Variants in SAMD5 observed in about 807,000 individuals in gnomAD.
SAMD5 encodes the protein sterile alpha motif domain containing 5, also known as sterile alpha motif domain-containing protein 5.
SAMD5 carries 13 observed loss-of-function variants against 11.3 expected under a neutral mutation model. The ratio of observed to expected loss-of-function variants is 1.15; its 90% confidence interval spans 0.75 to 1.83. The LOEUF is 1.83. Ranked by LOEUF, SAMD5 falls within the 40% of genes most tolerant of loss-of-function variation. The pLI is 0.00. For missense variants in SAMD5, 255 were observed against 239.1 expected (o/e 1.07, Z -0.44); for synonymous variants, 129 against 111.3 (o/e 1.16, Z -1.00).
At chr6:147,533,477 A>AAAAG (rs1356439802) in intron 1 of SAMD5, among the ~76,000 whole-genome samples, 6 of 150,548 alleles carry the variant, frequency 4.0e-5, no homozygotes, top group African/African-American at 1.2e-4. Flanking sequence ...AAAAAAAAAA[A>AAAAG]AAAGAAAGAA....
chr6:147,778,329 A>G, the SAMD5 span, among the ~76,000 whole-genome samples: 1 of 152,128 alleles, frequency 6.6e-6, no homozygotes, highest in Non-Finnish European at 1.5e-5. Context: ...GTATATTGCT[A>G]GCCCCTACCT....
chr6:147,540,945 T>TGG (rs1562316019), intron 1 of SAMD5, among the ~76,000 whole-genome samples: 2 of 139,510 alleles, frequency 1.4e-5, no homozygotes, highest in Non-Finnish European at 1.5e-5. Flanking sequence ...TTTTTTTTTT[T>TGG]TTTTTTTTTT....
the SAMD5 span, among the ~76,000 whole-genome samples, chr6:147,800,839 T>G: frequency 1.7e-3 from 255 of 152,298 alleles, 1 homozygote; most frequent in African/African-American, 6.0e-3. Context: ...CCATGTGCAT[T>G]TGTGTAACAA....
rs944479424 is a variant in SAMD5 at position 147,566,916 on chromosome 6, G to A, written c.*2460G>A. 3.4e-5 allele frequency: 32 copies of A among 930,132 alleles called. No individual in the cohort carries two copies. The East Asian group carries it at 1.1e-3, about 31-fold the overall frequency. 57.6% of individuals were successfully genotyped at this position (930,132 alleles called of 1,614,324 possible). A position where few individuals can be genotyped will look rare whatever the true frequency, so the allele number is the denominator to read the frequency against. The stretch of plus-strand genomic sequence containing the variant: ...TCTTAGAAGGAGTAATTTTTTCAGC[G>A]TTTTTCCTCTGTATCTAAACACCAA... On this transcript the variant is annotated 3_prime_UTR_variant, in exon 2 of 2. Coordinates refer to ENST00000367474, the MANE Select transcript of SAMD5 (RefSeq NM_001030060.3).
downstream of SAMD5, among the ~76,000 whole-genome samples, chr6:147,742,409 C>T (rs1460697825): frequency 6.6e-6 from 1 of 152,146 alleles, no homozygotes; most frequent in Admixed American, 6.5e-5. Flanking sequence ...ATAATCTTCG[C>T]GTGACCTGCG....
chr6:147,648,442 A>G (rs941145965), intron 1 of SAMD5, among the ~76,000 whole-genome samples: 9 of 152,136 alleles, frequency 5.9e-5, no homozygotes, highest in Non-Finnish European at 1.2e-4. Flanking sequence ...GGGGATTACA[A>G]TTCAAGCTGA....
the SAMD5 span, among the ~76,000 whole-genome samples, chr6:147,891,915 C>T: frequency 1.3e-5 from 2 of 152,168 alleles, no homozygotes; most frequent in South Asian, 4.1e-4. Context: ...TGGCTGTAGC[C>T]CTCCTGCAGA....
chr6:147,846,902 T>A, the SAMD5 span, among the ~76,000 whole-genome samples: 18 of 152,302 alleles, frequency 1.2e-4, no homozygotes, highest in African/African-American at 3.8e-4. Context: ...GTTGCCAGAC[T>A]ACCAACATGT....
intron 1 of SAMD5, among the ~76,000 whole-genome samples, chr6:147,579,363 GAA>G (rs915885720): frequency 6.6e-6 from 1 of 150,770 alleles, no homozygotes; most frequent in Non-Finnish European, 1.5e-5. Flanking sequence ...TTTTGTGGAA[GAA>G]AAGTGATTGG....
intron 1 of SAMD5, among the ~76,000 whole-genome samples, chr6:147,542,167 A>C (rs1275843872): frequency 6.6e-6 from 1 of 152,208 alleles, no homozygotes; most frequent in African/African-American, 2.4e-5. Flanking sequence ...AAATCCATGC[A>C]TATTGGGTCG....
chr6:147,667,961 T>C (rs937566779), intron 1 of SAMD5, among the ~76,000 whole-genome samples: 2 of 152,194 alleles, frequency 1.3e-5, no homozygotes, highest in African/African-American at 4.8e-5. Context: ...GAAAAAAATA[T>C]ACTTGCCATA....
chr6:147,548,300 G>T (rs1383660134), intron 1 of SAMD5, among the ~76,000 whole-genome samples: 1 of 152,058 alleles, frequency 6.6e-6, no homozygotes, highest in Non-Finnish European at 1.5e-5. Flanking sequence ...TGTACATGTT[G>T]CCTCCTCAGA....
chr6:147,570,305 G>A (rs844591), downstream of SAMD5, among the ~76,000 whole-genome samples: 31,860 of 151,982 alleles, frequency 0.21, 4,031 homozygotes, highest in African/African-American at 0.35. Flanking sequence ...GTGGCTCACC[G>A]CGGTGGGAGA....
At chr6:147,521,218 A>G (rs958654980) in intron 1 of SAMD5, among the ~76,000 whole-genome samples, 1 of 152,072 alleles carries the variant, frequency 6.6e-6, no homozygotes, top group Non-Finnish European at 1.5e-5. Flanking sequence ...TTACCAGTTC[A>G]TATAGTTTTA....
At chr6:147,509,666 C>A (rs1372146501) in intron 1 of SAMD5, among the ~76,000 whole-genome samples, 1 of 152,224 alleles carries the variant, frequency 6.6e-6, no homozygotes, top group African/African-American at 2.4e-5. Context: ...TGTCAGGAAT[C>A]GGACTCGCGC....
At chr6:147,856,119 A>T in the SAMD5 span, among the ~76,000 whole-genome samples, 1 of 152,214 alleles carries the variant, frequency 6.6e-6, no homozygotes, top group Admixed American at 6.5e-5. Context: ...CTGTTGATAC[A>T]TGTGATAAGG....
intron 1 of SAMD5, among the ~76,000 whole-genome samples, chr6:147,600,442 T>C (rs962740710): frequency 3.3e-5 from 5 of 152,172 alleles, no homozygotes; most frequent in Non-Finnish European, 7.4e-5. Context: ...ATAAAAGATG[T>C]AAAGAAACAA....
the SAMD5 span, among the ~76,000 whole-genome samples, chr6:147,894,268 C>T: frequency 4.6e-5 from 7 of 151,926 alleles, no homozygotes; most frequent in East Asian, 3.9e-4. Context: ...GGACTACAGG[C>T]GCACGCCACC....
rs1364698281 is a variant in SAMD5 at position 147,566,440 on chromosome 6, G to A, written c.*1984G>A. The A allele has an allele frequency of 4.7e-5, 46 of 985,102 alleles. No homozygotes were observed. The highest frequency in any genetic ancestry group is 1.1e-4 in the East Asian group (1 of 8,812). 61.0% of individuals were successfully genotyped at this position (985,102 alleles called of 1,614,324 possible). A position where few individuals can be genotyped will look rare whatever the true frequency, so the allele number is the denominator to read the frequency against. ...ATTTCCAGGTGTCGCATCCGTGGCT[G>A]ATTTATTTCACAGATGTACATTTGC... On this transcript the variant is annotated 3_prime_UTR_variant, in exon 2 of 2. Coordinates refer to ENST00000367474, the MANE Select transcript of SAMD5 (RefSeq NM_001030060.3).
Sources: allele counts gnomAD v4.1 joint callset (sites outside exome capture counted in the v4.1 genomes callset), GRCh38; gene constraint gnomAD v4.1.1; transcripts MANE v1.5; gene names NCBI Gene and HGNC (gene_info 2026-07-23, HGNC 2026-07-21).